Variants in WDR72 observed in about 807,000 individuals in gnomAD.
WDR72 encodes the protein WD repeat domain 72.
Under a neutral mutation model 124.2 loss-of-function variants are expected in WDR72, and 120 were observed. The observed-to-expected ratio is 0.97, with a 90% CI of 0.83 to 1.12. The LOEUF (loss-of-function observed/expected upper bound fraction) is 1.12, where lower values mean the gene tolerates loss of function less well. Ranked by LOEUF, WDR72 falls within the 50% of genes most tolerant of loss-of-function variation. The pLI, the probability that WDR72 is intolerant of heterozygous loss-of-function variation, is 0.00. For synonymous variants in WDR72, 452 were observed against 441.7 expected, an observed-to-expected ratio of 1.02 and a Z score of -0.29; for missense variants, 1,387 against 1,278.8, an observed-to-expected ratio of 1.08 and a Z score of -1.29.
At chr15:53,718,631 T>C (rs1256989756) in intron 3 of WDR72, among the ~76,000 whole-genome samples, 6 of 151,462 alleles carry the variant, frequency 4.0e-5, no homozygotes, top group African/African-American at 1.5e-4. Context: ...TAGGTAAAAA[T>C]AAGACATGAA....
At chr15:53,581,230 A>G (rs573879451) in intron 18 of WDR72, among the ~76,000 whole-genome samples, 1 of 152,094 alleles carries the variant, frequency 6.6e-6, no homozygotes, top group East Asian at 1.9e-4. Flanking sequence ...CTATGGAAGT[A>G]CTCTTTCTGC....
intron 16 of WDR72, among the ~76,000 whole-genome samples, chr15:53,612,783 A>G (rs895740374): frequency 3.9e-5 from 6 of 152,204 alleles, no homozygotes; most frequent in African/African-American, 1.4e-4. Context: ...GTTCTGAATA[A>G]ATCATTCTGG....
chr15:53,720,235 A>C (rs1243814264), intron 3 of WDR72, among the ~76,000 whole-genome samples: 1 of 152,194 alleles, frequency 6.6e-6, no homozygotes, highest in Non-Finnish European at 1.5e-5. Context: ...TAAACATATA[A>C]ATATAGCTTA....
chr15:53,712,605 C>CAAA (rs58068565), intron 7 of WDR72, among the ~76,000 whole-genome samples, 167 bp downstream of exon 7: 1 of 146,020 alleles, frequency 6.8e-6, no homozygotes, highest in Non-Finnish European at 1.5e-5. Context: ...ACCCCACCGC[C>CAAA]AAAAAAAAAA....
chr15:53,691,968 A>G (rs1469901086), intron 13 of WDR72, among the ~76,000 whole-genome samples: 2 of 152,200 alleles, frequency 1.3e-5, no homozygotes, highest in Non-Finnish European at 2.9e-5. Flanking sequence ...AGTTCTTCCT[A>G]TGTGGCAGGT....
chr15:53,705,167 C>G lies in WDR72; in HGVS notation c.1169G>C (p.Ser390Thr). Residue 390 changes from serine to threonine, a missense_variant, in exon 11 of 20, where the codon AGT becomes ACT. By Grantham distance (58) the Ser-to-Thr change is moderately conservative. Transcript: ENST00000360509. ...AAGCCCAGAGAAATAGTCAATAATA[C>G]TTTGTGACATAGTATCATGCTTATC... is the stretch of plus-strand genomic sequence containing the variant. ...NFDKHDTMSQ[S>T]IIDYFSGLKD... is the part of the protein sequence containing the mutation. The G allele has an allele frequency of 6.2e-7, 1 of 1,614,042 alleles. No homozygotes were observed. Among genetic ancestry groups the G allele is most frequent in the Non-Finnish European group, 8.5e-7 (1 of 1,180,000 alleles).
intron 2 of WDR72, among the ~76,000 whole-genome samples, chr15:53,726,244 G>GTA (rs563466142): frequency 0.01 from 1,235 of 121,920 alleles, 29 homozygotes; most frequent in African/African-American, 0.038. Context: ...ATGTATGTGT[G>GTA]TATATATATA....
At chr15:53,730,542 C>T (rs1045491451) in intron 2 of WDR72, among the ~76,000 whole-genome samples, 10 of 152,118 alleles carry the variant, frequency 6.6e-5, no homozygotes, top group African/African-American at 2.4e-4. Flanking sequence ...ATTCTCTTAC[C>T]TACATACTTT....
intron 18 of WDR72, among the ~76,000 whole-genome samples, chr15:53,529,179 TTTA>T (rs199532001): frequency 2.0e-4 from 28 of 139,832 alleles, no homozygotes; most frequent in African/African-American, 4.1e-4. Flanking sequence ...TTTTTTTTTT[TTTA>T]AAAGAATATA....
chr15:53,691,865 T>A (rs557685476), intron 13 of WDR72, among the ~76,000 whole-genome samples: 1 of 152,214 alleles, frequency 6.6e-6, no homozygotes, highest in Admixed American at 6.5e-5. Context: ...AGCAATAGAA[T>A]TAGTTTGACA....
chr15:53,591,976 A>G (rs983836822), intron 18 of WDR72, among the ~76,000 whole-genome samples: 2 of 152,048 alleles, frequency 1.3e-5, no homozygotes, highest in African/African-American at 4.8e-5. Context: ...ATCTTCCACT[A>G]TATCTTCAGC....
intron 13 of WDR72, among the ~76,000 whole-genome samples, chr15:53,696,493 T>C (rs184762451): frequency 6.6e-6 from 1 of 152,352 alleles, no homozygotes; most frequent in East Asian, 1.9e-4. Flanking sequence ...GATTAATTAG[T>C]TCACTCATTC....
At position 53,752,204 on chromosome 15, in the gene WDR72, T is replaced by C. The variant is rs796872139; in HGVS notation, c.-13+7429A>G. Among the ~76,000 whole-genome samples the C allele has an allele frequency of 1.2e-4, 18 of 152,328 alleles. 1 individual carries two copies. Among genetic ancestry groups the C allele is most frequent in the African/African-American group, 4.3e-4 (18 of 41,580 alleles). On this transcript the variant is annotated intron_variant, in intron 1 of 19. Coordinates refer to ENST00000360509, the MANE Select transcript of WDR72 (RefSeq NM_182758.4). The stretch of plus-strand genomic sequence containing the variant: ...AATTTAAATTTAAAAAACAATTTGA[T>C]TTTTTCAAAAATCTGCCACATTCTC...
At chr15:53,737,674 C>G (rs2018396207) in intron 1 of WDR72, among the ~76,000 whole-genome samples, 1 of 152,030 alleles carries the variant, frequency 6.6e-6, no homozygotes, top group Non-Finnish European at 1.5e-5. Flanking sequence ...AGCATAATTA[C>G]TAAGAAAAGC....
In WDR72 at chr15:53,705,532, G is replaced by A. The variant is rs190093535; in HGVS notation, c.1103-299C>T. ...GGCTGGAGTGCAGTGGCATGATCTC[G>A]GCTCACCGCAACCTCCACCTCCTGG... On this transcript the variant is annotated intron_variant, in intron 10 of 19. Transcript: ENST00000360509. 1.4e-4 allele frequency among the ~76,000 whole-genome samples: 22 copies of A among 152,062 alleles called. No individual in the cohort carries two copies. The East Asian group carries it at 3.3e-3, about 23-fold the overall frequency.
In WDR72 at chr15:53,564,172, G is replaced by T. The variant is rs189903184; in HGVS notation, c.3148+32907C>A. Among the ~76,000 whole-genome samples, 10 of 151,890 alleles carry T rather than the reference G, an allele frequency of 6.6e-5. No individual in the cohort carries two copies. The East Asian group carries it at 1.9e-3, about 30-fold the overall frequency. Reference sequence around the variant, plus strand: ...ATTTCTGGCACCTTTATCTGCAAAAGAATTTAATAAACAAGGGGTCTAATG... The same window carrying T: ...ATTTCTGGCACCTTTATCTGCAAAATAATTTAATAAACAAGGGGTCTAATG... On this transcript the variant is annotated intron_variant, in intron 18 of 19. Transcript: ENST00000360509.
rs553577154 is a variant in WDR72, at chr15:53,515,805, T to G, written c.*1894A>C. The G allele has an allele frequency of 6.6e-6, 1 of 152,302 alleles. No homozygotes were observed. Among genetic ancestry groups the G allele is most frequent in the East Asian group, 1.9e-4 (1 of 5,176 alleles). The allele number at this position is 152,302 out of a possible 1,614,324, so 9.4% of individuals were successfully genotyped here. On this transcript the variant is annotated 3_prime_UTR_variant, in exon 20 of 20. Transcript: ENST00000360509. Reference sequence around the variant, plus strand: ...AAGTATGGCAACTATTAAAACCTATTGTTATTCTTGTTTCTAAAAGGGAAT... The same window carrying G: ...AAGTATGGCAACTATTAAAACCTATGGTTATTCTTGTTTCTAAAAGGGAAT...
chr15:53,581,152 C>T (rs185569546), intron 18 of WDR72, among the ~76,000 whole-genome samples: 19 of 151,988 alleles, frequency 1.3e-4, no homozygotes, highest in Admixed American at 4.6e-4. Context: ...GATTAGAGAG[C>T]GAGAGTGTGT....
intron 14 of WDR72, among the ~76,000 whole-genome samples, chr15:53,656,235 A>G (rs894275281): frequency 1.3e-5 from 2 of 152,232 alleles, no homozygotes; most frequent in Non-Finnish European, 2.9e-5. Flanking sequence ...GCAGAATTAT[A>G]TAAGCTATAT....
Sources: gnomAD v4.1 joint callset for allele counts (sites outside exome capture counted in the v4.1 genomes callset) on GRCh38, gnomAD v4.1.1 for gene constraint, MANE v1.5 for transcripts, NCBI Gene and HGNC (gene_info 2026-07-23, HGNC 2026-07-21) for gene names.